AKR1B1: variants seen among roughly 807,000 people sequenced by gnomAD.
The protein encoded by AKR1B1 is aldo-keto reductase family 1 member B.
A neutral mutation model predicts 40.4 loss-of-function variants in AKR1B1; 22 were observed. That is an observed-to-expected ratio of 0.54 (90% CI 0.39 to 0.78). The LOEUF (loss-of-function observed/expected upper bound fraction) is 0.78, where lower values mean the gene tolerates loss of function less well. Ranked by LOEUF, AKR1B1 falls within the 30% of genes least tolerant of loss-of-function variation. The pLI is 0.00. For synonymous variants in AKR1B1, 157 were observed against 149.9 expected (o/e 1.05, Z -0.35); for missense variants, 357 against 396.7 (o/e 0.90, Z 0.85).
chr7:134,445,471 G>C, intron 8 of AKR1B1, 151 bp from the exon 9 acceptor site: 1 of 720,956 alleles, frequency 1.4e-6, no homozygotes, highest in Non-Finnish European at 2.4e-6. Flanking sequence ...TAGTATTCAG[G>C]AAATGTGCAT....
chr7:134,445,154 G>T, intron 9 of AKR1B1, 84 bp downstream of exon 9: 3 of 1,213,024 alleles, frequency 2.5e-6, no homozygotes, highest in Non-Finnish European at 3.6e-6. Flanking sequence ...GCACATTGGC[G>T]CTGAGGCCTG....
chr7:134,450,727 A>G (rs1399630714), intron 3 of AKR1B1, 59 bp downstream of exon 3: 1 of 1,349,326 alleles, frequency 7.4e-7, no homozygotes, highest in Non-Finnish European at 1.1e-6. Context: ...GGAGCTCAAA[A>G]CACACCACAG....
intron 1 of AKR1B1, among the ~76,000 whole-genome samples, chr7:134,452,264 C>T (rs575415751): frequency 8.5e-5 from 13 of 152,148 alleles, no homozygotes; most frequent in African/African-American, 2.4e-4. Context: ...TGTTTTCAAG[C>T]GGTTCTGGGA....
chr7:134,451,523 G>A, intron 2 of AKR1B1, 63 bp downstream of exon 2: 1 of 1,593,544 alleles, frequency 6.3e-7, no homozygotes, highest in Non-Finnish European at 8.6e-7. Flanking sequence ...ACTTGGCTTT[G>A]GGCTGATGCA....
At chr7:134,454,145 T>G (rs985982514) in intron 1 of AKR1B1, among the ~76,000 whole-genome samples, 1 of 152,214 alleles carries the variant, frequency 6.6e-6, no homozygotes. Flanking sequence ...AAATCCTACA[T>G]GTTTCTAACC....
intron 1 of AKR1B1, among the ~76,000 whole-genome samples, chr7:134,458,728 G>A (rs187595890): frequency 2.0e-5 from 3 of 152,124 alleles, no homozygotes; most frequent in African/African-American, 7.2e-5. Flanking sequence ...AGGGTTGCCC[G>A]CGGTAGGGCG....
At chr7:134,445,347 A>G in intron 8 of AKR1B1, 27 bp from the exon 9 acceptor site, 1 of 1,581,264 alleles carries the variant, frequency 6.3e-7, no homozygotes, top group Non-Finnish European at 8.6e-7. Flanking sequence ...AAAATCCAGT[A>G]AGCTCTGCAA....
intron 8 of AKR1B1, among the ~76,000 whole-genome samples, chr7:134,446,288 G>A (rs973883881): frequency 2.0e-5 from 3 of 152,110 alleles, no homozygotes; most frequent in Non-Finnish European, 4.4e-5. Flanking sequence ...GAAGAAAAAC[G>A]TCTCCTCTCC....
intron 8 of AKR1B1, 55 bp from the exon 9 acceptor site, chr7:134,445,375 A>C (rs1220600917): frequency 2.9e-5 from 41 of 1,437,700 alleles, no homozygotes; most frequent in Non-Finnish European, 3.5e-5. Flanking sequence ...TAAAAGACAA[A>C]ATACTGTGCA....
intron 1 of AKR1B1, 114 bp downstream of exon 1, chr7:134,458,883 C>A: frequency 1.6e-6 from 2 of 1,272,256 alleles, no homozygotes; most frequent in Non-Finnish European, 2.2e-6. Flanking sequence ...TGGCTCCCAG[C>A]ACGCCGGGCG....
At chr7:134,457,488 A>G (rs1806506909) in intron 1 of AKR1B1, among the ~76,000 whole-genome samples, 2 of 152,222 alleles carry the variant, frequency 1.3e-5, no homozygotes, top group South Asian at 2.1e-4. Flanking sequence ...TGGAGGAAAC[A>G]AATCACGTAC....
At chr7:134,451,552 G>C (rs374980808) in intron 2 of AKR1B1, 34 bp downstream of exon 2, 2 of 1,612,276 alleles carry the variant, frequency 1.2e-6, no homozygotes, top group Admixed American at 3.3e-5. Flanking sequence ...TGATGGGACC[G>C]AGAGCCCCTT....
chr7:134,450,647 A>T, intron 3 of AKR1B1, 139 bp downstream of exon 3: 1 of 762,052 alleles, frequency 1.3e-6, no homozygotes, highest in Non-Finnish European at 2.4e-6. Context: ...AGGTGATGCC[A>T]GTGCTGATGG....
intron 3 of AKR1B1, 88 bp downstream of exon 3, chr7:134,450,698 C>T (rs1806256063): frequency 1.0e-6 from 1 of 973,366 alleles, no homozygotes; most frequent in Non-Finnish European, 1.7e-6. Context: ...AGAAAGTCAC[C>T]CACACGTAAT....
chr7:134,458,610 C>G (rs1389508308), intron 1 of AKR1B1, among the ~76,000 whole-genome samples: 1 of 152,204 alleles, frequency 6.6e-6, no homozygotes, highest in African/African-American at 2.4e-5. Context: ...CCTGTCTGCG[C>G]CCGAGGTCCA....
chr7:134,445,793 AGAG>A (rs1313737228), intron 8 of AKR1B1, among the ~76,000 whole-genome samples: 1 of 152,264 alleles, frequency 6.6e-6, no homozygotes, highest in African/African-American at 2.4e-5. Flanking sequence ...CCACAGCCGA[AGAG>A]GAGATGGTAT....
Position 134,445,272 on chromosome 7 carries a change from A to G in AKR1B1, c.874T>C (p.Tyr292His), listed in dbSNP as rs770727307. The G allele has an allele frequency of 1.2e-6, 2 of 1,612,934 alleles. No homozygotes were observed. The highest frequency in any genetic ancestry group is 1.7e-6 in the Non-Finnish European group (2 of 1,179,814). The change falls in exon 9 of 10, where the codon TAC becomes CAC. Residue 292 changes from tyrosine (Y) to histidine (H), a missense_variant. By Grantham distance (83) the Tyr-to-His change is moderately conservative. Transcript: ENST00000285930. ...GCACAGACCCTCCAGTTCCTGTTGT[A>G]GCTGAGTAAGGTGGTCATATCCTGG... ...SSQDMTTLLS[Y>H]NRNWRVCALL... is the part of the protein sequence containing the mutation.
At chr7:134,447,739 C>G in intron 7 of AKR1B1, 2 of 628,074 alleles carry the variant, frequency 3.2e-6, no homozygotes, top group Middle Eastern at 3.1e-4. Context: ...CATGAATGAA[C>G]AAGCGCTGGC....
At chr7:134,446,377 C>T (rs1806096106) in intron 8 of AKR1B1, among the ~76,000 whole-genome samples, 1 of 152,234 alleles carries the variant, frequency 6.6e-6, no homozygotes, top group South Asian at 2.1e-4. Flanking sequence ...GGCACTATGG[C>T]CACAGTCTTT....
Sources: gnomAD v4.1 joint callset for allele counts (sites outside exome capture counted in the v4.1 genomes callset) on GRCh38, gnomAD v4.1.1 for gene constraint, MANE v1.5 for transcripts, NCBI Gene and HGNC (gene_info 2026-07-23, HGNC 2026-07-21) for gene names.